CSMD1: variants seen among roughly 807,000 people sequenced by gnomAD.
CSMD1 encodes the protein CUB and sushi domain-containing protein 1.
CSMD1 carries 213 observed loss-of-function variants against 417.5 expected under a neutral mutation model. That is an observed-to-expected ratio of 0.51 (90% CI 0.46 to 0.57). The LOEUF is 0.57. CSMD1 is among the 20% of genes least tolerant of loss of function. The pLI is 0.00. For synonymous variants in CSMD1, 2,862 were observed against 1,736.8 expected (o/e 1.65, Z -16.11); for missense variants, 6,923 against 4,529.7 (o/e 1.53, Z -15.17).
chr8:3,927,456 G>C (rs1298174824), intron 5 of CSMD1, among the ~76,000 whole-genome samples: 2 of 151,906 alleles, frequency 1.3e-5, no homozygotes, highest in Non-Finnish European at 2.9e-5. Flanking sequence ...CACAAGGTCA[G>C]GAGTTTGGGA....
chr8:3,859,075 T>C (rs1804511855), intron 5 of CSMD1, among the ~76,000 whole-genome samples: 2 of 152,142 alleles, frequency 1.3e-5, no homozygotes, highest in Admixed American at 6.6e-5. Context: ...TTATGTGATA[T>C]TCATCTTCTC....
intron 10 of CSMD1, among the ~76,000 whole-genome samples, chr8:3,548,347 T>C (rs1019027741): frequency 4.6e-5 from 7 of 152,138 alleles, no homozygotes; most frequent in African/African-American, 1.4e-4. Context: ...TTTGGTTACG[T>C]GATCGAGTTC....
chr8:3,104,851 G>C (rs1000782361), intron 46 of CSMD1, among the ~76,000 whole-genome samples: 20 of 152,016 alleles, frequency 1.3e-4, no homozygotes, highest in Non-Finnish European at 2.5e-4. Context: ...GGCATTACAG[G>C]CATGCGCCAC....
At chr8:3,976,722 A>G (rs549946504) in intron 5 of CSMD1, among the ~76,000 whole-genome samples, 38 of 152,278 alleles carry the variant, frequency 2.5e-4, no homozygotes, top group Admixed American at 4.6e-4. Flanking sequence ...CTCCACAAGA[A>G]CCCTATGAAG....
intron 1 of CSMD1, among the ~76,000 whole-genome samples, chr8:4,818,811 G>A (rs1229671019): frequency 6.6e-6 from 1 of 152,156 alleles, no homozygotes; most frequent in Admixed American, 6.5e-5. Flanking sequence ...CATTTCATTA[G>A]AGACTCACCA....
At chr8:3,831,675 G>T (rs149479727) in intron 5 of CSMD1, among the ~76,000 whole-genome samples, 7 of 151,836 alleles carry the variant, frequency 4.6e-5, no homozygotes, top group African/African-American at 1.5e-4. Flanking sequence ...AATCTTTACC[G>T]GCAAAGGATA....
Position 4,680,367 on chromosome 8 carries a change from C to T in CSMD1, c.86-42809G>A, listed in dbSNP as rs1412485425. On this transcript the variant is annotated intron_variant, in intron 1 of 69. Coordinates refer to ENST00000635120, the MANE Select transcript of CSMD1 (RefSeq NM_033225.6). ...TAATTCAACCTCGTATCTTTCCCTA[C>T]TAATGTTACTGTTCAATACAAGTGC... Among the ~76,000 whole-genome samples, 3 of 152,324 alleles carry T rather than the reference C, an allele frequency of 2.0e-5. No individual in the cohort carries two copies. The East Asian group carries it at 5.8e-4, about 29-fold the overall frequency.
At chr8:4,510,841 C>T (rs1031814289) in intron 2 of CSMD1, among the ~76,000 whole-genome samples, 6 of 139,938 alleles carry the variant, frequency 4.3e-5, no homozygotes, top group Admixed American at 3.5e-4. Flanking sequence ...TTCCTCCCTC[C>T]CTCCTCCCTC....
intron 2 of CSMD1, among the ~76,000 whole-genome samples, chr8:4,481,880 A>T (rs1801117113): frequency 6.6e-6 from 1 of 152,172 alleles, no homozygotes; most frequent in Non-Finnish European, 1.5e-5. Context: ...ACTGTAGCAC[A>T]ATGAGATCAA....
rs186952311 is a variant in CSMD1, at chr8:4,032,809, G to A, written c.416-710C>T. ...AAAAAAATAATAAAATTCAAAGGCC[G>A]TCAACCATCTGAATGGACACATCCT... On this transcript the variant is annotated intron_variant, in intron 3 of 69. Coordinates refer to ENST00000635120, the MANE Select transcript of CSMD1 (RefSeq NM_033225.6). Among the ~76,000 whole-genome samples, 497 of 152,172 alleles carry A rather than the reference G, an allele frequency of 3.3e-3. 1 individual carries two copies. Among genetic ancestry groups the A allele is most frequent in the Non-Finnish European group, 4.1e-3 (282 of 68,004 alleles).
At chr8:3,745,832 C>T (rs1797040448) in intron 6 of CSMD1, among the ~76,000 whole-genome samples, 1 of 152,208 alleles carries the variant, frequency 6.6e-6, no homozygotes, top group South Asian at 2.1e-4. Context: ...GGTTTCCCTA[C>T]AGCTGTGAAT....
At chr8:2,986,567 C>G (rs752888613) in intron 54 of CSMD1, among the ~76,000 whole-genome samples, 1 of 152,104 alleles carries the variant, frequency 6.6e-6, no homozygotes, top group Non-Finnish European at 1.5e-5. Context: ...TGCAATGGCG[C>G]GATCTCAGCT....
intron 25 of CSMD1, among the ~76,000 whole-genome samples, chr8:3,290,195 T>A (rs1432892743): frequency 6.8e-6 from 1 of 147,322 alleles, no homozygotes. Context: ...TATCTCTGTT[T>A]TGGTACCAGT....
At chr8:4,729,081 G>A (rs293880) in intron 1 of CSMD1, among the ~76,000 whole-genome samples, 140,000 of 152,198 alleles carry the variant, frequency 0.92, 64,545 homozygotes, top group East Asian at 0.99. Context: ...ACACTTGGAT[G>A]TTCAGCCCTA....
chr8:3,671,593 ATG>A (rs10696089), intron 7 of CSMD1, among the ~76,000 whole-genome samples: 1,222 of 106,560 alleles, frequency 0.011, 111 homozygotes, highest in East Asian at 0.029. Flanking sequence ...ATATATATAT[ATG>A]ATTAGTTCTA....
chr8:3,247,262 G>A (rs1799940535), intron 26 of CSMD1, among the ~76,000 whole-genome samples: 1 of 152,196 alleles, frequency 6.6e-6, no homozygotes, highest in Non-Finnish European at 1.5e-5. Flanking sequence ...GGTGGTAGCT[G>A]TGGTTTGTAG....
At chr8:4,051,866 T>TTCTTTGCTTTCTTTCTC (rs148729822) in intron 3 of CSMD1, among the ~76,000 whole-genome samples, 2 of 119,714 alleles carry the variant, frequency 1.7e-5, no homozygotes, top group African/African-American at 6.5e-5. Flanking sequence ...CTTTCTTTCT[T>TTCTTTGCTTTCTTTCTC]TCCTTCCTCC....
At chr8:3,163,833 A>C (rs949653516) in intron 37 of CSMD1, among the ~76,000 whole-genome samples, 1 of 152,056 alleles carries the variant, frequency 6.6e-6, no homozygotes, top group African/African-American at 2.4e-5. Context: ...TCCAGTCCCC[A>C]CCAGACCCTC....
chr8:4,355,740 C>T (rs914278732), intron 3 of CSMD1, among the ~76,000 whole-genome samples: 1 of 152,132 alleles, frequency 6.6e-6, no homozygotes, highest in African/African-American at 2.4e-5. Flanking sequence ...ATTCATTTTC[C>T]CCCTGCATGA....
Sources: allele counts gnomAD v4.1 joint callset (sites outside exome capture counted in the v4.1 genomes callset), GRCh38; gene constraint gnomAD v4.1.1; transcripts MANE v1.5; gene names NCBI Gene and HGNC (gene_info 2026-07-23, HGNC 2026-07-21).